The following AHNAK2 variants were observed in gnomAD, a reference collection of about 807,000 sequenced individuals.
AHNAK2 encodes the protein protein AHNAK2.
AHNAK2 carries 18 observed loss-of-function variants against 30.7 expected under a neutral mutation model. That is an observed-to-expected ratio of 0.59 (90% CI 0.41 to 0.87). The LOEUF (loss-of-function observed/expected upper bound fraction) is 0.87. Ranked by LOEUF, AHNAK2 falls within the 40% of genes least tolerant of loss-of-function variation. The probability of loss-of-function intolerance (pLI) is 0.00; values close to 1 mark genes in which losing one functional copy is unlikely to be tolerated. For missense variants in AHNAK2, 8,604 were observed against 7,373.0 expected (o/e 1.17, Z -6.11); for synonymous variants, 3,590 against 3,073.8 (o/e 1.17, Z -5.56).
Position 104,944,702 on chromosome 14 carries a change from C to T in AHNAK2, c.10749G>A (p.Leu3583=). 11 of 1,612,744 alleles carry T rather than the reference C, an allele frequency of 6.8e-6. No homozygotes were observed. Among genetic ancestry groups the T allele is most frequent in the Non-Finnish European group, 9.3e-6 (11 of 1,179,544 alleles). The change falls in exon 7 of 7, where the codon CTG becomes CTA. Residue 3583 remains leucine, a synonymous_variant. Transcript: ENST00000333244. ...GPQIDVKGPK[L]DLKGPKAEVR... ...CTTCTGCCTTGGGGCCTTTCAGGTC[C>T]AGCTTGGGGCCCTTAACATCTATCT...
rs11850949 is a variant in AHNAK2 at position 104,942,490 on chromosome 14, A to C, written c.12961T>G (p.Leu4321Val). The C allele has an allele frequency of 0.54, 872,311 of 1,611,514 alleles. 238,486 individuals are homozygous for C. Among genetic ancestry groups the C allele is most frequent in the Middle Eastern group, 0.67 (4,026 of 6,048 alleles). Residue 4321 changes from leucine to valine, a missense_variant, in exon 7 of 7, where the codon TTG becomes GTG. Leu to Val is a conservative substitution (Grantham distance 32). Coordinates refer to ENST00000333244, the MANE Select transcript of AHNAK2 (RefSeq NM_138420.4). ...SAPGKSIEASLDVSALKVEAD... is the reference protein window; with the variant it reads ...SAPGKSIEASVDVSALKVEAD... ...TCCACCTTCAGCGCAGACACATCCAACGAGGCCTCGATGGACTTGCCTGGG... is the reference window on the plus strand; with the variant it reads ...TCCACCTTCAGCGCAGACACATCCACCGAGGCCTCGATGGACTTGCCTGGG...
At position 104,954,032 on chromosome 14, in the gene AHNAK2, T is replaced by A; in HGVS notation, c.1419A>T (p.Gly473=). ...ARLSLRDTTE[G]GTQIGPPEIR... ...TTTCTGGTGGGCCAATCTGTGTGCC[T>A]CCTTCGGTTGTGTCTCTCAAGGACA... The change falls in exon 7 of 7, where the codon GGA becomes GGT. Residue 473 remains glycine, a synonymous_variant. Coordinates refer to ENST00000333244, the MANE Select transcript of AHNAK2 (RefSeq NM_138420.4). The surrounding 1 kb of genome is among the most constrained non-coding windows in gnomAD (Gnocchi z 4.3). 1.2e-6 allele frequency: 2 copies of A among 1,613,724 alleles called. No individual in the cohort carries two copies. Among genetic ancestry groups the A allele is most frequent in the Non-Finnish European group, 1.7e-6 (2 of 1,179,862 alleles).
chr14:104,948,796 C>T lies in AHNAK2; in HGVS notation c.6655G>A (p.Val2219Met), dbSNP rs574672419. Residue 2219 changes from valine (V) to methionine (M), a missense_variant, in exon 7 of 7, where the codon GTG (valine) becomes ATG (methionine). Coordinates refer to ENST00000333244, the MANE Select transcript of AHNAK2 (RefSeq NM_138420.4). The stretch of plus-strand genomic sequence containing the variant: ...GGCACAGGGCCCTCCAGGAGTTTCA[C>T]GTCCACCTGGCCAGCCTGGACCTTC... ...DVKVQAGQVD[V>M]KLLEGPVPEE... 65 of 1,612,166 alleles carry T rather than the reference C, an allele frequency of 4.0e-5. No individual in the cohort carries two copies. Among genetic ancestry groups the T allele is most frequent in the South Asian group, 1.8e-4 (16 of 91,056 alleles).
At position 104,947,410 on chromosome 14, in the gene AHNAK2, C is replaced by G; in HGVS notation, c.8041G>C (p.Asp2681His). 6.2e-7 allele frequency: 1 copy of G among 1,612,702 alleles called. No individual in the cohort carries two copies. Among genetic ancestry groups the G allele is most frequent in the Non-Finnish European group, 8.5e-7 (1 of 1,179,632 alleles). The change falls in exon 7 of 7, where the codon GAC becomes CAC. Residue 2681 changes from aspartate (D) to histidine (H), a missense_variant. Transcript: ENST00000333244. ...CCTTGCATGGAGGGGAGGCTCATGTCGGCTTCCACCTTCAGCTCAGACACA... is the reference window on the plus strand; with the variant it reads ...CCTTGCATGGAGGGGAGGCTCATGTGGGCTTCCACCTTCAGCTCAGACACA... ...VDVSELKVEA[D>H]MSLPSMQGDL...
chr14:104,955,207 T>A, intron 5 of AHNAK2, 66 bp from the exon 6 acceptor site: 2 of 1,527,958 alleles, frequency 1.3e-6, no homozygotes, highest in Non-Finnish European at 1.8e-6. Context: ...TGTCTTGCCT[T>A]GGCTGGCGAG....
In AHNAK2 at chr14:104,938,680, A is replaced by G. The variant is rs2140813824; in HGVS notation, c.16771T>C (p.Phe5591Leu). ...VNVLGQQTLTFEVPSGHQLAD... is the reference protein window; with the variant it reads ...VNVLGQQTLTLEVPSGHQLAD... ...AGCTGGTGGCCAGAAGGAACTTCAA[A>G]TGTGAGTGTTTGCTGTCCCAGTACA... Residue 5591 changes from phenylalanine (F) to leucine (L), a missense_variant, in exon 7 of 7, where the codon TTT (phenylalanine) becomes CTT (leucine). By Grantham distance (22) the Phe-to-Leu change is conservative. Transcript: ENST00000333244. 2.5e-6 allele frequency: 4 copies of G among 1,612,876 alleles called. No individual in the cohort carries two copies. Among genetic ancestry groups the G allele is most frequent in the Non-Finnish European group, 8.5e-7 (1 of 1,179,424 alleles).
In AHNAK2 at chr14:104,948,650, G is replaced by A. The variant is rs756944256; in HGVS notation, c.6801C>T (p.Asp2267=). 8.7e-6 allele frequency: 14 copies of A among 1,612,056 alleles called. No homozygotes were observed. The South Asian group carries it at 1.5e-4, about 18-fold the overall frequency. The change falls in exon 7 of 7, where the codon GAC becomes GAT. Residue 2267 remains aspartate, a synonymous_variant. Transcript: ENST00000333244. The part of the protein sequence containing the change: ...DIKGPKLDLK[D]PKVEVTAPDV... ...CAGGGGCTGTCACTTCCACCTTGGGGTCTTTTAGGTCCAGCTTGGGGCCCT... is the reference window on the plus strand; with the variant it reads ...CAGGGGCTGTCACTTCCACCTTGGGATCTTTTAGGTCCAGCTTGGGGCCCT...
chr14:104,942,277 G>A lies in AHNAK2; in HGVS notation c.13174C>T (p.Pro4392Ser). The A allele has an allele frequency of 6.2e-7, 1 of 1,613,156 alleles. No individual in the cohort carries two copies. Among genetic ancestry groups the A allele is most frequent in the Non-Finnish European group, 8.5e-7 (1 of 1,179,760 alleles). ...TGGGGACCCTTGAGGTCCACTTTGGGTACCTTGAAACTGGGCATCTGCAGC... is the reference window on the plus strand; with the variant it reads ...TGGGGACCCTTGAGGTCCACTTTGGATACCTTGAAACTGGGCATCTGCAGC... ...PKLQMPSFKV[P>S]KVDLKGPQID... The change falls in exon 7 of 7, where the codon CCC (proline) becomes TCC (serine). Residue 4392 changes from proline (P) to serine (S), a missense_variant. Coordinates refer to ENST00000333244, the MANE Select transcript of AHNAK2 (RefSeq NM_138420.4).
rs745358517 is a variant in AHNAK2 at position 104,947,767 on chromosome 14, G to A, written c.7684C>T (p.Leu2562Phe). ...TGCACCTTGGGCAGGTGCCCTTTGA[G>A]GCCGGCTCCCTCCGGCACAGGGCCC... is the stretch of plus-strand genomic sequence containing the variant. Reference protein sequence around the residue: ...PEGPVPEGAGLKGHLPKVQMP... With the variant: ...PEGPVPEGAGFKGHLPKVQMP... The change falls in exon 7 of 7, where the codon CTC (leucine) becomes TTC (phenylalanine). Residue 2562 changes from leucine (L) to phenylalanine (F), a missense_variant. Leu to Phe is a conservative substitution (Grantham distance 22). Transcript: ENST00000333244. 3.1e-6 allele frequency: 5 copies of A among 1,612,584 alleles called. No individual in the cohort carries two copies. The highest frequency in any genetic ancestry group is 1.7e-5 in the Admixed American group (1 of 59,940).
rs1391618807 is a variant in AHNAK2, at chr14:104,954,780, C to A, written c.671G>T (p.Gly224Val). 1.3e-6 allele frequency: 2 copies of A among 1,575,084 alleles called. No homozygotes were observed. The highest frequency in any genetic ancestry group is 1.7e-6 in the Non-Finnish European group (2 of 1,160,802). ...AGTTTTCGTGGGGGTCTCTCTGCACCCATCAGCAACATCCGTGTCCTGAAA... is the reference window on the plus strand; with the variant it reads ...AGTTTTCGTGGGGGTCTCTCTGCACACATCAGCAACATCCGTGTCCTGAAA... ...KEKEDTDVADGCRETPTKTLE... is the reference protein window; with the variant it reads ...KEKEDTDVADVCRETPTKTLE... Residue 224 changes from glycine to valine, a missense_variant, in exon 7 of 7, where the codon GGG becomes GTG. Transcript: ENST00000333244. The surrounding 1 kb of genome is among the most constrained non-coding windows in gnomAD (Gnocchi z 4.3).
rs937305472 is a variant in AHNAK2 at position 104,941,436 on chromosome 14, A to G, written c.14015T>C (p.Val4672Ala). The G allele has an allele frequency of 1.9e-6, 3 of 1,612,744 alleles. No individual in the cohort carries two copies. Among genetic ancestry groups the G allele is most frequent in the African/African-American group, 1.3e-5 (1 of 74,954 alleles). ...TGGATCATGAAGATCACCTTCATGAACAACAGATTCCACAATGGGAAATGT... is the reference window on the plus strand; with the variant it reads ...TGGATCATGAAGATCACCTTCATGAGCAACAGATTCCACAATGGGAAATGT... The part of the protein sequence containing the change: ...TSTFPIVESV[V>A]HEGDLHDPSR... The change falls in exon 7 of 7, where the codon GTT becomes GCT. Residue 4672 changes from valine to alanine, a missense_variant. Physicochemically the swap from Val to Ala is moderately conservative, Grantham distance 64. Transcript: ENST00000333244.
chr14:104,972,344 C>T (rs1899489892), intron 1 of AHNAK2, among the ~76,000 whole-genome samples: 1 of 152,168 alleles, frequency 6.6e-6, no homozygotes, highest in African/African-American at 2.4e-5. Flanking sequence ...CACCTGGGAA[C>T]GCTGTTTACT....
At chr14:104,968,310 GCCTCCCCGAGAACTGGA>G (rs1899369191) in intron 1 of AHNAK2, among the ~76,000 whole-genome samples, 2 of 145,628 alleles carry the variant, frequency 1.4e-5, no homozygotes, top group Non-Finnish European at 2.9e-5. Flanking sequence ...CAGAAAAGCT[GCCTCCCCGAGAACTGGA>G]CTATCCTGGC....
rs199784357 is a variant in AHNAK2 at position 104,952,027 on chromosome 14, T to C, written c.3424A>G (p.Ser1142Gly). 9.2e-4 allele frequency: 1,472 copies of C among 1,608,732 alleles called. 24 individuals carry two copies. In the East Asian group the frequency reaches 0.02, roughly 22 times the overall value. Residue 1142 changes from serine to glycine, a missense_variant, in exon 7 of 7, where the codon AGT becomes GGT. Coordinates refer to ENST00000333244, the MANE Select transcript of AHNAK2 (RefSeq NM_138420.4). Reference sequence around the variant, plus strand: ...GACAGTTCCCCCTCCAGCCGCGCACTGTCCAGCTTGGCTCCCGGGGCCTCG... The same window carrying C: ...GACAGTTCCCCCTCCAGCCGCGCACCGTCCAGCTTGGCTCCCGGGGCCTCG... ...DVEAPGAKLD[S>G]ARLEGELSLA...
Position 104,954,376 on chromosome 14 carries a change from A to T in AHNAK2, c.1075T>A (p.Leu359Met). ...TCGAGGCTATCACCCCAGGGCCCCAACTCTTCCAGGACCCCAGCACGGCCC... is the reference window on the plus strand; with the variant it reads ...TCGAGGCTATCACCCCAGGGCCCCATCTCTTCCAGGACCCCAGCACGGCCC... Reference protein sequence around the residue: ...GVGRAGVLEELGPWGDSLEET... With the variant: ...GVGRAGVLEEMGPWGDSLEET... Residue 359 changes from leucine to methionine, a missense_variant, in exon 7 of 7, where the codon TTG becomes ATG. Leu to Met is a conservative substitution (Grantham distance 15, BLOSUM62 2). Transcript: ENST00000333244. The surrounding 1 kb of genome is among the most constrained non-coding windows in gnomAD (Gnocchi z 4.3). The T allele has an allele frequency of 6.2e-7, 1 of 1,611,844 alleles. No individual in the cohort carries two copies. The highest frequency in any genetic ancestry group is 1.1e-5 in the South Asian group (1 of 91,002).
In AHNAK2 at chr14:104,939,487, G is replaced by A. The variant is rs745597466; in HGVS notation, c.15964C>T (p.Pro5322Ser). Reference sequence around the variant, plus strand: ...AGAGGAGTCTCATCTATTTCTCCTGGAAGAACCTGGGTTTCTGGAAGCCTC... The same window carrying A: ...AGAGGAGTCTCATCTATTTCTCCTGAAAGAACCTGGGTTTCTGGAAGCCTC... ...GMRLPETQVL[P>S]GEIDETPLSK... Residue 5322 changes from proline (P) to serine (S), a missense_variant, in exon 7 of 7, where the codon CCA becomes TCA. Pro to Ser is a moderately conservative substitution (Grantham distance 74, BLOSUM62 -1). Transcript: ENST00000333244. The A allele has an allele frequency of 1.2e-6, 2 of 1,613,540 alleles. No homozygotes were observed. The highest frequency in any genetic ancestry group is 1.7e-6 in the Non-Finnish European group (2 of 1,179,836).
At position 104,950,414 on chromosome 14, in the gene AHNAK2, G is replaced by C. The variant is rs376373277; in HGVS notation, c.5037C>G (p.Ala1679=). ...GVSAPGKSIE[A]SVDVSEPKVE... ...CCTTCGGCTCAGACACATCCACCGAGGCCTCGATGGACTTGCCTGGGGCCG... is the reference window on the plus strand; with the variant it reads ...CCTTCGGCTCAGACACATCCACCGACGCCTCGATGGACTTGCCTGGGGCCG... The change falls in exon 7 of 7, where the codon GCC becomes GCG. Residue 1679 remains alanine (A), a synonymous_variant. Coordinates refer to ENST00000333244, the MANE Select transcript of AHNAK2 (RefSeq NM_138420.4). 1.7e-4 allele frequency: 271 copies of C among 1,586,934 alleles called. 26 individuals carry two copies. In the African/African-American group the frequency reaches 1.8e-3, roughly 11 times the overall value.
chr14:104,953,832 C>A lies in AHNAK2; in HGVS notation c.1619G>T (p.Gly540Val), dbSNP rs764589696. Reference protein sequence around the residue: ...EEVEGAGWMPGREPTTHAEAQ... With the variant: ...EEVEGAGWMPVREPTTHAEAQ... ...TTCTGCATGTGTGGTTGGTTCCCTGCCCGGCATCCACCCGGCTCCTTCCAC... is the reference window on the plus strand; with the variant it reads ...TTCTGCATGTGTGGTTGGTTCCCTGACCGGCATCCACCCGGCTCCTTCCAC... The change falls in exon 7 of 7, where the codon GGC becomes GTC. Residue 540 changes from glycine (G) to valine (V), a missense_variant. By Grantham distance (109) the Gly-to-Val change is moderately radical. Transcript: ENST00000333244. 6.2e-7 allele frequency: 1 copy of A among 1,613,982 alleles called. No individual in the cohort carries two copies. Among genetic ancestry groups the A allele is most frequent in the Non-Finnish European group, 8.5e-7 (1 of 1,179,902 alleles).
rs778587033 is a variant in AHNAK2 at position 104,944,047 on chromosome 14, T to G, written c.11404A>C (p.Lys3802Gln). 24 of 1,612,920 alleles carry G rather than the reference T, an allele frequency of 1.5e-5. No individual in the cohort carries two copies. Among genetic ancestry groups the G allele is most frequent in the Non-Finnish European group, 1.9e-5 (23 of 1,179,556 alleles). Reference protein sequence around the residue: ...ADKDVTAKDSKFKMPKFKMPS... With the variant: ...ADKDVTAKDSQFKMPKFKMPS... ...ATCTTGAACTTGGGCATTTTGAATT[T>G]GCTGTCTTTGGCAGTCACATCCTTG... The change falls in exon 7 of 7, where the codon AAA (lysine) becomes CAA (glutamine). Residue 3802 changes from lysine (K) to glutamine (Q), a missense_variant. Transcript: ENST00000333244.
Sources: gnomAD v4.1 joint callset for allele counts (sites outside exome capture counted in the v4.1 genomes callset) on GRCh38, gnomAD v4.1.1 for gene constraint, Gnocchi (gnomAD v3.1) non-coding constraint, MANE v1.5 for transcripts, NCBI Gene and HGNC (gene_info 2026-07-23, HGNC 2026-07-21) for gene names.